The following PALM2AKAP2 variants were observed in gnomAD, a reference collection of about 807,000 sequenced individuals.
PALM2AKAP2 encodes the protein PALM2 and AKAP2 fusion, also known as PALM2-AKAP2 fusion protein.
In PALM2AKAP2, 37 loss-of-function variants were observed where a neutral mutation model predicts 71.5. The ratio of observed to expected loss-of-function variants is 0.52; its 90% CI spans 0.40 to 0.68. The LOEUF (loss-of-function observed/expected upper bound fraction) is 0.68, where lower values mean the gene tolerates loss of function less well. Among genes scored for constraint, PALM2AKAP2 ranks in the 30% least tolerant of loss-of-function variants. The pLI is 0.00. For synonymous variants in PALM2AKAP2, 468 were observed against 478.8 expected (o/e 0.98, Z 0.29); for missense variants, 1,224 against 1,191.8 (o/e 1.03, Z -0.40).
chr9:109,975,947 T>C (rs535409576), intron 6 of PALM2AKAP2, among the ~76,000 whole-genome samples: 3 of 152,366 alleles, frequency 2.0e-5, no homozygotes, highest in African/African-American at 7.2e-5. Context: ...ATAAATCATA[T>C]TTTAATAATG....
intron 6 of PALM2AKAP2, among the ~76,000 whole-genome samples, chr9:109,935,059 T>C (rs1831191013): frequency 6.6e-6 from 1 of 152,240 alleles, no homozygotes; most frequent in African/African-American, 2.4e-5. Context: ...GACAGGGCTC[T>C]GACATTCCCT....
In PALM2AKAP2 at chr9:110,134,610, C is replaced by G. The variant is rs540118154; in HGVS notation, c.157-1517C>G. On this transcript the variant is annotated intron_variant, in intron 1 of 3. Transcript: ENST00000374525. ...TTCTGACAGCAGTGTAGAGCACTTA[C>G]GATGAACTCCAGTGTTTTCTTAGGT... Among the ~76,000 whole-genome samples the G allele has an allele frequency of 7.9e-5, 12 of 152,212 alleles. 1 individual carries two copies. In the South Asian group the frequency reaches 2.3e-3, roughly 29 times the overall value.
chr9:109,825,602 C>T (rs1369175599), intron 1 of PALM2AKAP2, among the ~76,000 whole-genome samples: 1 of 152,180 alleles, frequency 6.6e-6, no homozygotes, highest in Non-Finnish European at 1.5e-5. Flanking sequence ...TGCCAAAAGA[C>T]ACATGAAAAA....
At chr9:110,140,699 C>A (rs1836005781) in intron 2 of PALM2AKAP2, among the ~76,000 whole-genome samples, 1 of 152,206 alleles carries the variant, frequency 6.6e-6, no homozygotes, top group Non-Finnish European at 1.5e-5. Flanking sequence ...CCCCCACACT[C>A]CAGTATAACC....
chr9:109,905,508 C>CAATG (rs1383191042), intron 3 of PALM2AKAP2, among the ~76,000 whole-genome samples: 2 of 152,244 alleles, frequency 1.3e-5, no homozygotes, highest in African/African-American at 2.4e-5. Flanking sequence ...AACGACTGTG[C>CAATG]CCGTGAGAAA....
intron 5 of PALM2AKAP2, among the ~76,000 whole-genome samples, chr9:109,926,634 G>C (rs904539684): frequency 6.6e-6 from 1 of 152,144 alleles, no homozygotes; most frequent in East Asian, 1.9e-4. Flanking sequence ...TGAAGTGTGG[G>C]ACACTGACCC....
intron 7 of PALM2AKAP2, among the ~76,000 whole-genome samples, chr9:110,023,059 A>G (rs1349885319): frequency 6.6e-6 from 1 of 151,976 alleles, no homozygotes; most frequent in Non-Finnish European, 1.5e-5. Flanking sequence ...GTGTCTTTAT[A>G]GCAGCATGAT....
intron 1 of PALM2AKAP2, among the ~76,000 whole-genome samples, chr9:109,840,458 C>A (rs1394241558): frequency 6.6e-6 from 1 of 152,182 alleles, no homozygotes; most frequent in African/African-American, 2.4e-5. Context: ...TAGGCATGGG[C>A]AAGGACTTCA....
intron 3 of PALM2AKAP2, among the ~76,000 whole-genome samples, chr9:109,912,303 C>T (rs535008174): frequency 7.4e-5 from 11 of 148,560 alleles, no homozygotes; most frequent in Admixed American, 5.4e-4. Context: ...TCAGGGATGA[C>T]GTGAGGAAAA....
intron 1 of PALM2AKAP2, among the ~76,000 whole-genome samples, chr9:110,063,439 A>AT (rs35944774): frequency 0.012 from 1,573 of 131,208 alleles, 29 homozygotes; most frequent in African/African-American, 0.036. Flanking sequence ...CCAAATTTCT[A>AT]TTTTTTTTTT....
chr9:110,107,236 T>C (rs1286467711), intron 1 of PALM2AKAP2, among the ~76,000 whole-genome samples: 1 of 152,192 alleles, frequency 6.6e-6, no homozygotes, highest in Non-Finnish European at 1.5e-5. Context: ...AGCTGGAAGA[T>C]GGGCACTGAA....
intron 1 of PALM2AKAP2, among the ~76,000 whole-genome samples, chr9:109,787,957 T>G (rs1827012829): frequency 6.6e-6 from 1 of 152,244 alleles, no homozygotes; most frequent in South Asian, 2.1e-4. Flanking sequence ...TATTTCATAA[T>G]GTTGTAATAT....
chr9:109,997,463 A>T (rs1840680224), intron 6 of PALM2AKAP2, among the ~76,000 whole-genome samples: 1 of 152,162 alleles, frequency 6.6e-6, no homozygotes. Flanking sequence ...TTGAGAAGAC[A>T]TGGGGCCACA....
At chr9:110,010,151 C>A (rs563303703) in intron 6 of PALM2AKAP2, among the ~76,000 whole-genome samples, 1 of 152,138 alleles carries the variant, frequency 6.6e-6, no homozygotes, top group Admixed American at 6.6e-5. Flanking sequence ...ATAAACATAA[C>A]CTCAGCTACA....
chr9:109,752,613 G>C (rs986464315), intron 1 of PALM2AKAP2, among the ~76,000 whole-genome samples: 1 of 152,138 alleles, frequency 6.6e-6, no homozygotes, highest in Non-Finnish European at 1.5e-5. Context: ...AAGGGGATGA[G>C]GGGGAATGAT....
chr9:109,708,143 G>A (rs1828171675), intron 1 of PALM2AKAP2, among the ~76,000 whole-genome samples: 1 of 152,042 alleles, frequency 6.6e-6, no homozygotes. Flanking sequence ...TGATTCCTTT[G>A]TACAACAGCT....
At chr9:109,975,429 C>T (rs1324689023) in intron 6 of PALM2AKAP2, among the ~76,000 whole-genome samples, 2 of 152,214 alleles carry the variant, frequency 1.3e-5, no homozygotes, top group Non-Finnish European at 1.5e-5. Context: ...TGATTGCCCA[C>T]CCACACTGGT....
At chr9:109,768,758 T>C (rs1829203699) in intron 1 of PALM2AKAP2, among the ~76,000 whole-genome samples, 3 of 152,206 alleles carry the variant, frequency 2.0e-5, no homozygotes, top group African/African-American at 7.2e-5. Flanking sequence ...AGGTTTACAT[T>C]AGTTAATATA....
chr9:109,665,923 G>A (rs918691521), intron 1 of PALM2AKAP2, among the ~76,000 whole-genome samples: 2 of 152,200 alleles, frequency 1.3e-5, no homozygotes, highest in African/African-American at 2.4e-5. Flanking sequence ...CAGCCAGGCT[G>A]CTGTCTCACA....
Sources: allele counts gnomAD v4.1 joint callset (sites outside exome capture counted in the v4.1 genomes callset), GRCh38; gene constraint gnomAD v4.1.1; transcripts MANE v1.5; gene names NCBI Gene and HGNC (gene_info 2026-07-23, HGNC 2026-07-21).